The following PRKCG variants were observed in gnomAD, a reference collection of about 807,000 sequenced individuals.
PRKCG encodes protein kinase C gamma.
A neutral mutation model predicts 82.0 loss-of-function variants in PRKCG; 28 were observed. The observed-to-expected ratio is 0.34, with a 90% confidence interval of 0.25 to 0.47. The LOEUF (loss-of-function observed/expected upper bound fraction) is 0.47. Ranked by LOEUF, PRKCG falls within the 20% of genes least tolerant of loss-of-function variation. The pLI is 1.00. For missense variants in PRKCG, 640 were observed against 952.7 expected (o/e 0.67, Z 4.32); for synonymous variants, 383 against 376.6 (o/e 1.02, Z -0.20).
Position 53,889,952 on chromosome 19 carries a change from C to G in PRKCG, c.464C>G (p.Thr155Ser). ...SVPSLCGVDH[T>S]ERRGRLQLEI... The stretch of plus-strand genomic sequence containing the variant: ...CCCTCCCTGTGCGGTGTGGACCACA[C>G]CGAGCGCCGCGGGCGCCTGCAGCTG... Residue 155 changes from threonine to serine, a missense_variant, in exon 5 of 18, where the codon ACC becomes AGC. Thr to Ser is a moderately conservative substitution (Grantham distance 58). This residue lies in a region of PRKCG where 261 missense variants were observed against 312.1 expected (regional missense o/e 0.84). Coordinates refer to ENST00000263431, the MANE Select transcript of PRKCG (RefSeq NM_002739.5). This position sits in a 1 kb window ranked among gnomAD's most constrained non-coding sequence, Gnocchi z 4.4. 1 of 1,577,894 alleles carries G rather than the reference C, an allele frequency of 6.3e-7. No homozygotes were observed. Among genetic ancestry groups the G allele is most frequent in the Non-Finnish European group, 8.6e-7 (1 of 1,163,250 alleles).
At chr19:53,896,155 G>T (rs769940430) in intron 9 of PRKCG, among the ~76,000 whole-genome samples, 60 of 151,934 alleles carry the variant, frequency 3.9e-4, no homozygotes, top group Non-Finnish European at 7.6e-4. Context: ...TTTGAGATCA[G>T]CAGGGATGAT....
chr19:53,898,641 G>A lies in PRKCG; in HGVS notation c.1281+13G>A, dbSNP rs748387004. On this transcript the variant is annotated intron_variant, in intron 11 of 17. Coordinates refer to ENST00000263431, the MANE Select transcript of PRKCG (RefSeq NM_002739.5). ...CTTCCAGACCCCGGTAAGGATGGAG[G>A]GGGCGGAGGCTGTCCTCCGGGCCCT... 9 of 1,562,270 alleles carry A rather than the reference G, an allele frequency of 5.8e-6. No homozygotes were observed. In the South Asian group the frequency reaches 1.0e-4, roughly 18 times the overall value.
At chr19:53,890,500 C>A (rs1431435418) in intron 5 of PRKCG, among the ~76,000 whole-genome samples, 1 of 151,936 alleles carries the variant, frequency 6.6e-6, no homozygotes, top group Admixed American at 6.6e-5. Flanking sequence ...CCAGGTGATC[C>A]CCTCGACTCG....
At chr19:53,891,523 C>A (rs540116620) in intron 5 of PRKCG, 151 bp from the exon 6 acceptor site, 1 of 872,152 alleles carries the variant, frequency 1.1e-6, no homozygotes, top group East Asian at 2.7e-5. Context: ...ACCTTGTGAT[C>A]CGCCCGCCTT....
intron 16 of PRKCG, among the ~76,000 whole-genome samples, chr19:53,905,653 C>T (rs966982680): frequency 7.8e-5 from 11 of 140,706 alleles, no homozygotes; most frequent in African/African-American, 8.0e-5. Context: ...TTCCCCCATT[C>T]CCTCCCTCTT....
Position 53,893,047 on chromosome 19 carries a change from A to T in PRKCG, c.881A>T (p.Asp294Val). The change falls in exon 8 of 18, where the codon GAC becomes GTC. Residue 294 changes from aspartate to valine, a missense_variant. Physicochemically the swap from Asp to Val is radical, Grantham distance 152. Transcript: ENST00000263431. ...EYYNVPVADA[D>V]NCSLLQKFEA... is the part of the protein sequence containing the mutation. The stretch of plus-strand genomic sequence containing the variant: ...TACAATGTGCCGGTGGCCGATGCTG[A>T]CAACTGCAGCCTCCTCCAGAAGTTT... 2.5e-6 allele frequency: 4 copies of T among 1,614,008 alleles called. No homozygotes were observed. Among genetic ancestry groups the T allele is most frequent in the Non-Finnish European group, 3.4e-6 (4 of 1,179,992 alleles).
rs971756470 is a variant in PRKCG, at chr19:53,906,777, G to A, written c.1976G>A (p.Arg659His). ...RAAPALTPPD[R>H]LVLASIDQAD... is the part of the protein sequence containing the mutation. ...GCGCCAGCGCTGACCCCTCCAGACC[G>A]CCTAGTCCTGGCCAGCATCGACCAG... The change falls in exon 18 of 18, where the codon CGC becomes CAC. Residue 659 changes from arginine (R) to histidine (H), a missense_variant. Physicochemically the swap from Arg to His is conservative, Grantham distance 29. Around this residue, in one of 7 missense-constraint regions of PRKCG, gnomAD observed 198 missense variants for 273.4 expected, o/e 0.72. Coordinates refer to ENST00000263431, the MANE Select transcript of PRKCG (RefSeq NM_002739.5). 2 of 1,613,562 alleles carry A rather than the reference G, an allele frequency of 1.2e-6. No homozygotes were observed. Among genetic ancestry groups the A allele is most frequent in the Admixed American group, 3.3e-5 (2 of 60,026 alleles).
At chr19:53,899,175 T>A (rs989544813) in intron 11 of PRKCG, among the ~76,000 whole-genome samples, 3 of 148,640 alleles carry the variant, frequency 2.0e-5, no homozygotes, top group African/African-American at 7.5e-5. Flanking sequence ...CTCGGTGGCA[T>A]GGCCTGGCCA....
chr19:53,900,395 G>A lies in PRKCG; in HGVS notation c.1374-24G>A, dbSNP rs2068754278. Reference sequence around the variant, plus strand: ...AGGATCCAGCCACTGACCTTCTGACGTCCCCACCCACCCCGTCCTCCAGGT... The same window carrying A: ...AGGATCCAGCCACTGACCTTCTGACATCCCCACCCACCCCGTCCTCCAGGT... On this transcript the variant is annotated intron_variant, in intron 12 of 17. Coordinates refer to ENST00000263431, the MANE Select transcript of PRKCG (RefSeq NM_002739.5). This position sits in a 1 kb window ranked among gnomAD's most constrained non-coding sequence, Gnocchi z 4.2. 6.2e-7 allele frequency: 1 copy of A among 1,613,968 alleles called. No individual in the cohort carries two copies. The highest frequency in any genetic ancestry group is 8.5e-7 in the Non-Finnish European group (1 of 1,180,000).
At chr19:53,899,308 G>T (rs763729639) in intron 11 of PRKCG, among the ~76,000 whole-genome samples, 1 of 152,192 alleles carries the variant, frequency 6.6e-6, no homozygotes, top group Non-Finnish European at 1.5e-5. Context: ...GTCTTGAGTG[G>T]CTGTAGCCAG....
In PRKCG at chr19:53,882,502, G is replaced by C; in HGVS notation, c.8G>C (p.Gly3Ala). MA[G>A]LGPGVGDSEG... ...TGCTACGTTTCTGGGGCCATGGCTG[G>C]TCTGGGCCCCGGCGTAGGCGATTCA... is the stretch of plus-strand genomic sequence containing the variant. The change falls in exon 1 of 18, where the codon GGT becomes GCT. Residue 3 changes from glycine (G) to alanine (A), a missense_variant. Physicochemically the swap from Gly to Ala is moderately conservative, Grantham distance 60 (BLOSUM62 0). This residue lies in a region of PRKCG where 27 missense variants were observed against 23.9 expected (regional missense o/e 1.13). Coordinates refer to ENST00000263431, the MANE Select transcript of PRKCG (RefSeq NM_002739.5). The surrounding 1 kb of genome is among the most constrained non-coding windows in gnomAD (Gnocchi z 6.1). 6.2e-7 allele frequency: 1 copy of C among 1,613,992 alleles called. No individual in the cohort carries two copies. The highest frequency in any genetic ancestry group is 8.5e-7 in the Non-Finnish European group (1 of 1,179,914).
chr19:53,884,039 C>T lies in PRKCG; in HGVS notation c.203-122C>T. 2 of 914,916 alleles carry T rather than the reference C, an allele frequency of 2.2e-6. No individual in the cohort carries two copies. The highest frequency in any genetic ancestry group is 3.5e-6 in the Non-Finnish European group (2 of 569,600). The allele number at this position is 914,916 out of a possible 1,614,324, so 56.7% of individuals were successfully genotyped here. On this transcript the variant is annotated intron_variant, in intron 2 of 17. Coordinates refer to ENST00000263431, the MANE Select transcript of PRKCG (RefSeq NM_002739.5). The surrounding 1 kb of genome is among the most constrained non-coding windows in gnomAD (Gnocchi z 4.6). Reference sequence around the variant, plus strand: ...CTGTTGGACTCTCTGTGTTGAGATCCCTCTCTTTCTGGTTTTCTCAGTGTC... The same window carrying T: ...CTGTTGGACTCTCTGTGTTGAGATCTCTCTCTTTCTGGTTTTCTCAGTGTC...
intron 14 of PRKCG, among the ~76,000 whole-genome samples, chr19:53,901,438 G>A (rs1052659369): frequency 1.3e-5 from 2 of 151,690 alleles, no homozygotes; most frequent in South Asian, 4.2e-4. Context: ...CAGCTATTCG[G>A]GAGGCTGAGG....
chr19:53,902,890 CAAA>C (rs56955659), intron 14 of PRKCG, among the ~76,000 whole-genome samples, 180 bp from the exon 15 acceptor site: 68 of 19,958 alleles, frequency 3.4e-3, no homozygotes, highest in African/African-American at 7.6e-3. Context: ...GAGACCCTGT[CAAA>C]AAAAAAAAAA....
At chr19:53,893,678 TG>T (rs148859339) in intron 9 of PRKCG, among the ~76,000 whole-genome samples, 2,955 of 152,244 alleles carry the variant, frequency 0.019, 106 homozygotes, top group African/African-American at 0.066. Context: ...TAATCCAGCC[TG>T]GGGGAGGGTG....
intron 15 of PRKCG, 109 bp downstream of exon 15, chr19:53,903,262 C>T: frequency 1.2e-6 from 1 of 855,416 alleles, no homozygotes; most frequent in Non-Finnish European, 2.0e-6. Flanking sequence ...GCTCGAATAG[C>T]GCTGTCCATG....
chr19:53,905,953 TC>T (rs1408043178), intron 16 of PRKCG, among the ~76,000 whole-genome samples: 1 of 136,570 alleles, frequency 7.3e-6, no homozygotes. Flanking sequence ...TCACCCTCTG[TC>T]TCTCTCTCTC....
In PRKCG at chr19:53,893,745, A is replaced by T. The variant is rs556226855; in HGVS notation, c.939+354A>T. ...CCTGAATTGATTCTTGAGGTTTTTT[A>T]AAATTTTTTAATTTATTTTTATTTT... On this transcript the variant is annotated intron_variant, in intron 9 of 17. Transcript: ENST00000263431. 4.7e-5 allele frequency among the ~76,000 whole-genome samples: 7 copies of T among 149,550 alleles called. No homozygotes were observed. In the South Asian group the frequency reaches 6.5e-4, roughly 14 times the overall value.
At chr19:53,899,592 T>C (rs1471542290) in intron 11 of PRKCG, among the ~76,000 whole-genome samples, 1 of 127,830 alleles carries the variant, frequency 7.8e-6, no homozygotes, top group African/African-American at 3.6e-5. Context: ...CTTTGATTCC[T>C]TTTTTTTTTT....
Sources: allele counts gnomAD v4.1 joint callset (sites outside exome capture counted in the v4.1 genomes callset), GRCh38; gene constraint gnomAD v4.1.1; regional missense constraint gnomAD v4.1.1; non-coding constraint Gnocchi (gnomAD v3.1); transcripts MANE v1.5; gene names NCBI Gene and HGNC (gene_info 2026-07-23, HGNC 2026-07-21).